The following NOL6 variants were observed in gnomAD, a reference collection of about 807,000 sequenced individuals.
The protein encoded by NOL6 is nucleolar RNA-associated protein.
NOL6 carries 33 observed loss-of-function variants against 131.7 expected under a neutral mutation model. That is an observed-to-expected ratio of 0.25 (90% CI 0.19 to 0.33). The LOEUF (loss-of-function observed/expected upper bound fraction) is 0.33, where lower values mean the gene tolerates loss of function less well. Ranked by LOEUF, NOL6 falls within the 10% of genes least tolerant of loss-of-function variation. The probability of loss-of-function intolerance (pLI) is 1.00; values close to 1 mark genes in which losing one functional copy is unlikely to be tolerated. For missense variants in NOL6, 1,297 were observed against 1,494.5 expected (o/e 0.87, Z 2.18); for synonymous variants, 580 against 605.7 (o/e 0.96, Z 0.62).
At position 33,465,827 on chromosome 9, in the gene NOL6, G is replaced by C; in HGVS notation, c.2435C>G (p.Pro812Arg). 6.2e-7 allele frequency: 1 copy of C among 1,614,128 alleles called. No individual in the cohort carries two copies. The highest frequency in any genetic ancestry group is 8.5e-7 in the Non-Finnish European group (1 of 1,180,020). The part of the protein sequence containing the change: ...EPQILKEVQS[P>R]EGMISLRDTA... ...GTCCCTCAGCGAGATCATCCCCTCT[G>C]GGCTCTGCACCTCCTTCAGGATCTG... is the stretch of plus-strand genomic sequence containing the variant. Residue 812 changes from proline (P) to arginine (R), a missense_variant, in exon 19 of 26, where the codon CCA (proline) becomes CGA (arginine). Coordinates refer to ENST00000297990, the MANE Select transcript of NOL6 (RefSeq NM_022917.5).
At position 33,468,432 on chromosome 9, in the gene NOL6, T is replaced by A; in HGVS notation, c.1207-10A>T. 6.2e-7 allele frequency: 1 copy of A among 1,612,874 alleles called. No individual in the cohort carries two copies. Among genetic ancestry groups the A allele is most frequent in the South Asian group, 1.1e-5 (1 of 90,972 alleles). ...AGTCAGCCAGGGCCGGCTTGGGGGG[T>A]GTAGAGAGAAGCAGGTCAGGATTGG... On this transcript the variant is annotated splice_polypyrimidine_tract_variant and intron_variant, in intron 9 of 25. Coordinates refer to ENST00000297990, the MANE Select transcript of NOL6 (RefSeq NM_022917.5).
Position 33,472,140 on chromosome 9 carries a change from ACAGTC to A in NOL6, c.262-25_262-21del, listed in dbSNP as rs772810828. On this transcript the variant is annotated intron_variant, in intron 2 of 25. Coordinates refer to ENST00000297990, the MANE Select transcript of NOL6 (RefSeq NM_022917.5). ...CTCTACCTGTAAGAGAGGGTAGAAG[ACAGTC>A]CATCAGCCTCAGGGTCCCAGGTACA... The A allele has an allele frequency of 6.2e-7, 1 of 1,613,410 alleles. No homozygotes were observed. Among genetic ancestry groups the A allele is most frequent in the Non-Finnish European group, 8.5e-7 (1 of 1,179,272 alleles).
At chr9:33,470,455 G>A (rs192828459) in intron 3 of NOL6, 73 of 222,514 alleles carry the variant, frequency 3.3e-4, no homozygotes, top group Non-Finnish European at 5.9e-4. Context: ...CACTTTGGGA[G>A]GCCGAGGTGG....
At chr9:33,473,099 G>A (rs1453110515) in intron 1 of NOL6, among the ~76,000 whole-genome samples, 4 of 151,672 alleles carry the variant, frequency 2.6e-5, no homozygotes, top group Non-Finnish European at 4.4e-5. Context: ...TCCCATTCTC[G>A]CTCCAACCAA....
chr9:33,466,734 G>A (rs1827255260), intron 15 of NOL6, 25 bp from the exon 16 acceptor site: 1 of 1,612,416 alleles, frequency 6.2e-7, no homozygotes, highest in Admixed American at 1.7e-5. Context: ...ACGGTCAGGA[G>A]GCTGGACCCT....
intron 23 of NOL6, 39 bp downstream of exon 23, chr9:33,463,792 C>A (rs371602330): frequency 6.9e-6 from 11 of 1,600,248 alleles, no homozygotes; most frequent in Non-Finnish European, 9.4e-6. Context: ...AAGACAGAAT[C>A]CCCAGAGGCC....
rs767093871 is a variant in NOL6, at chr9:33,463,302, G to C, written c.3134C>G (p.Ser1045Cys). Reference sequence around the variant, plus strand: ...ATCATAGCCCAGCACGGGCATCAGGGATGAGGGCCCCGGCTGGCTGAGCAG... The same window carrying C: ...ATCATAGCCCAGCACGGGCATCAGGCATGAGGGCCCCGGCTGGCTGAGCAG... ...RGLLSQPGPS[S>C]LMPVLGYDPP... is the part of the protein sequence containing the mutation. The change falls in exon 24 of 26, where the codon TCC becomes TGC. Residue 1045 changes from serine (S) to cysteine (C), a missense_variant. By Grantham distance (112) the Ser-to-Cys change is moderately radical. Transcript: ENST00000297990. The C allele has an allele frequency of 1.2e-6, 2 of 1,614,148 alleles. 1 individual carries two copies. Among genetic ancestry groups the C allele is most frequent in the South Asian group, 2.2e-5 (2 of 91,066 alleles).
At chr9:33,466,882 A>C (rs377616689) in intron 15 of NOL6, 30 bp downstream of exon 15, 3 of 1,608,974 alleles carry the variant, frequency 1.9e-6, no homozygotes, top group South Asian at 1.1e-5. Flanking sequence ...ATTACTCTAC[A>C]ATCACTAGCC....
chr9:33,463,545 A>G, intron 23 of NOL6, 104 bp from the exon 24 acceptor site: 2 of 1,066,588 alleles, frequency 1.9e-6, no homozygotes, highest in Non-Finnish European at 1.4e-6. Flanking sequence ...CCATCTGACC[A>G]CCCTCTATGG....
intron 25 of NOL6, 81 bp from the exon 26 acceptor site, chr9:33,462,894 T>A: frequency 6.3e-7 from 1 of 1,579,476 alleles, no homozygotes; most frequent in South Asian, 1.2e-5. Context: ...AGAGTGGGGG[T>A]GGTGGGGATA....
intron 3 of NOL6, 145 bp from the exon 4 acceptor site, chr9:33,470,336 A>C (rs1587225592): frequency 1.5e-6 from 1 of 686,408 alleles, no homozygotes; most frequent in Non-Finnish European, 2.2e-6. Flanking sequence ...TGCTAAGACA[A>C]CTCCATATGA....
chr9:33,472,502 G>C, intron 1 of NOL6, 90 bp from the exon 2 acceptor site: 1 of 976,286 alleles, frequency 1.0e-6, no homozygotes, highest in Non-Finnish European at 1.6e-6. Flanking sequence ...GTGGGTAAAA[G>C]CTTCACCTGC....
rs746229889 is a variant in NOL6 at position 33,469,100 on chromosome 9, G to A, written c.884C>T (p.Pro295Leu). ...TTGCAGGACCCATGTGTTATAGCGG[G>A]GGGTAGGAGGCTCTGGGCTACCTGT... ...AGDGSPEPPTPRYNTWVLQDT... is the reference protein window; with the variant it reads ...AGDGSPEPPTLRYNTWVLQDT... Residue 295 changes from proline to leucine, a missense_variant, in exon 7 of 26, where the codon CCC becomes CTC. By Grantham distance (98) the Pro-to-Leu change is moderately conservative. Transcript: ENST00000297990. 1 of 1,614,094 alleles carries A rather than the reference G, an allele frequency of 6.2e-7. No individual in the cohort carries two copies. Among genetic ancestry groups the A allele is most frequent in the African/African-American group, 1.3e-5 (1 of 74,914 alleles).
At chr9:33,469,758 T>A in intron 4 of NOL6, 91 bp from the exon 5 acceptor site, 1 of 1,485,798 alleles carries the variant, frequency 6.7e-7, no homozygotes, top group Non-Finnish European at 9.1e-7. Context: ...GAGCCAGGGC[T>A]CCTCTGCTGA....
chr9:33,468,415 AG>A lies in NOL6; in HGVS notation c.1213del (p.Leu405TrpfsTer41). The A allele has an allele frequency of 6.2e-7, 1 of 1,614,128 alleles. No individual in the cohort carries two copies. The highest frequency in any genetic ancestry group is 2.2e-5 in the East Asian group (1 of 44,876). Reference protein sequence around the residue: ...CLSSDPSLPALADFHQAFSVV... With the variant: ...CLSSDPSLPAXADFHQAFSVV... The stretch of plus-strand genomic sequence containing the variant: ...GGAGAAGGCCTGGTGGAAGTCAGCC[AG>A]GGCCGGCTTGGGGGGTGTAGAGAGA... On this transcript the variant is annotated frameshift_variant, in exon 10 of 26. Coordinates refer to ENST00000297990, the MANE Select transcript of NOL6 (RefSeq NM_022917.5). LOFTEE classifies it high-confidence loss of function.
chr9:33,472,609 G>GT, intron 1 of NOL6, 197 bp from the exon 2 acceptor site: 7 of 601,644 alleles, frequency 1.2e-5, no homozygotes, highest in Non-Finnish European at 2.1e-5. Context: ...AATTCCTTGA[G>GT]TTAAGAGCTC....
intron 23 of NOL6, 141 bp from the exon 24 acceptor site, chr9:33,463,582 G>A: frequency 1.2e-6 from 1 of 823,800 alleles, no homozygotes; most frequent in Non-Finnish European, 1.9e-6. Flanking sequence ...GAAGACTGAA[G>A]CACCAAGACC....
chr9:33,465,221 G>A lies in NOL6; in HGVS notation c.2667C>T (p.Pro889=), dbSNP rs1233763711. The A allele has an allele frequency of 6.3e-7, 1 of 1,595,732 alleles. No individual in the cohort carries two copies. The highest frequency in any genetic ancestry group is 2.3e-5 in the East Asian group (1 of 44,222). The change falls in exon 20 of 26, where the codon CCC becomes CCT. Residue 889 remains proline, a synonymous_variant. Coordinates refer to ENST00000297990, the MANE Select transcript of NOL6 (RefSeq NM_022917.5). ...GAGGGAATCACCTCGGAGGGGTGAAGGGCTCAGGGTGCAGGAAAAGGGCAG... is the reference window on the plus strand; with the variant it reads ...GAGGGAATCACCTCGGAGGGGTGAAAGGCTCAGGGTGCAGGAAAAGGGCAG... ...VAAALFLHPE[P]FTPPSSPQVG...
chr9:33,464,556 G>A (rs535345837), intron 21 of NOL6, among the ~76,000 whole-genome samples: 1 of 151,934 alleles, frequency 6.6e-6, no homozygotes, highest in South Asian at 2.1e-4. Flanking sequence ...CCCACCAAGA[G>A]GTCTGAGTAT....
Sources: gnomAD v4.1 joint callset for allele counts (sites outside exome capture counted in the v4.1 genomes callset) on GRCh38, gnomAD v4.1.1 for gene constraint, MANE v1.5 for transcripts, NCBI Gene and HGNC (gene_info 2026-07-23, HGNC 2026-07-21) for gene names.